RRAS2: variants seen among roughly 807,000 people sequenced by gnomAD.
RRAS2 encodes ras-related protein R-Ras2.
A neutral mutation model predicts 27.6 loss-of-function variants in RRAS2; 7 were observed. The observed-to-expected ratio is 0.25, with a 90% CI of 0.14 to 0.48. The LOEUF (loss-of-function observed/expected upper bound fraction) is 0.48. Ranked by LOEUF, RRAS2 falls within the 20% of genes least tolerant of loss-of-function variation. The probability of loss-of-function intolerance (pLI) is 0.99; values close to 1 mark genes in which losing one functional copy is unlikely to be tolerated. For missense variants in RRAS2, 178 were observed against 256.2 expected, an observed-to-expected ratio of 0.69 and a Z score of 2.08; for synonymous variants, 86 against 90.9, an observed-to-expected ratio of 0.95 and a Z score of 0.31.
chr11:14,286,465 G>A (rs544610312), intron 4 of RRAS2, among the ~76,000 whole-genome samples: 44 of 152,252 alleles, frequency 2.9e-4, no homozygotes, highest in African/African-American at 9.9e-4. Flanking sequence ...AAACCCTTCT[G>A]AGTTATACTA....
intron 1 of RRAS2, among the ~76,000 whole-genome samples, chr11:14,297,921 T>C (rs1159496122): frequency 2.0e-5 from 3 of 150,816 alleles, no homozygotes; most frequent in Non-Finnish European, 4.4e-5. Context: ...TAACTTTTAG[T>C]AGGAAGCCAT....
intron 4 of RRAS2, among the ~76,000 whole-genome samples, chr11:14,292,935 G>A (rs1011519731): frequency 2.0e-5 from 3 of 151,176 alleles, no homozygotes; most frequent in East Asian, 1.9e-4. Flanking sequence ...GTGAAACCCC[G>A]TATCTACTAA....
intron 1 of RRAS2, chr11:14,336,942 A>G (rs1375379196): frequency 6.6e-6 from 1 of 152,200 alleles, no homozygotes; most frequent in East Asian, 1.9e-4. Flanking sequence ...CATCATAATT[A>G]AACTTCTAAA....
At chr11:14,292,545 T>C (rs956031019) in intron 4 of RRAS2, among the ~76,000 whole-genome samples, 1 of 151,874 alleles carries the variant, frequency 6.6e-6, no homozygotes, top group Non-Finnish European at 1.5e-5. Context: ...CATCAATAAA[T>C]ATAATCAGGT....
chr11:14,287,893 A>AG (rs1331078771), intron 4 of RRAS2, among the ~76,000 whole-genome samples: 1 of 151,078 alleles, frequency 6.6e-6, no homozygotes, highest in Non-Finnish European at 1.5e-5. Flanking sequence ...AAAAAAAAGA[A>AG]GAAGAAAAAA....
chr11:14,332,747 CA>C (rs1243622686), intron 1 of RRAS2, among the ~76,000 whole-genome samples: 27 of 152,044 alleles, frequency 1.8e-4, no homozygotes, highest in Middle Eastern at 3.4e-3. Flanking sequence ...GATGGTTACA[CA>C]AGGTGTGTAA....
intron 1 of RRAS2, among the ~76,000 whole-genome samples, chr11:14,352,741 T>C (rs1848982106): frequency 8.3e-6 from 1 of 120,904 alleles, no homozygotes; most frequent in Non-Finnish European, 1.8e-5. Flanking sequence ...AAGAAACTTT[T>C]AAAATATATA....
intron 1 of RRAS2, among the ~76,000 whole-genome samples, chr11:14,310,889 T>C (rs1847948712): frequency 6.6e-6 from 1 of 152,202 alleles, no homozygotes; most frequent in South Asian, 2.1e-4. Context: ...TTCCCAGCCT[T>C]GCATGCAATG....
intron 1 of RRAS2, among the ~76,000 whole-genome samples, chr11:14,351,613 C>A (rs1374385330): frequency 6.6e-6 from 1 of 151,900 alleles, no homozygotes; most frequent in African/African-American, 2.4e-5. Flanking sequence ...GCCTGTAATC[C>A]CAGCTACTCG....
At chr11:14,331,551 GT>G (rs1345285176) in intron 1 of RRAS2, among the ~76,000 whole-genome samples, 89 of 151,850 alleles carry the variant, frequency 5.9e-4, no homozygotes, top group African/African-American at 2.1e-3. Flanking sequence ...TTGTTATAAG[GT>G]TCTGGCCTGG....
At chr11:14,299,222 G>C (rs1394325808) in intron 1 of RRAS2, among the ~76,000 whole-genome samples, 1 of 152,166 alleles carries the variant, frequency 6.6e-6, no homozygotes, top group African/African-American at 2.4e-5. Context: ...ATAAAGATTT[G>C]CTAAGCTCAG....
At chr11:14,313,657 A>G (rs1309117149) in intron 1 of RRAS2, among the ~76,000 whole-genome samples, 2 of 152,230 alleles carry the variant, frequency 1.3e-5, no homozygotes, top group Admixed American at 6.5e-5. Flanking sequence ...GGAAGGCCAC[A>G]TGAAGGCAGA....
chr11:14,285,867 AT>A (rs1554944956), intron 4 of RRAS2, among the ~76,000 whole-genome samples: 1 of 151,638 alleles, frequency 6.6e-6, no homozygotes, highest in African/African-American at 2.4e-5. Context: ...TATTTTTCAG[AT>A]TTTTTTCTTT....
At chr11:14,331,539 T>C (rs1554951890) in intron 1 of RRAS2, among the ~76,000 whole-genome samples, 1 of 152,068 alleles carries the variant, frequency 6.6e-6, no homozygotes, top group African/African-American at 2.4e-5. Flanking sequence ...GTTTGAACTA[T>C]TTTGTTATAA....
intron 4 of RRAS2, among the ~76,000 whole-genome samples, chr11:14,282,888 C>A (rs1554944533): frequency 1.3e-5 from 2 of 152,094 alleles, no homozygotes; most frequent in South Asian, 2.1e-4. Context: ...AATTTTATTT[C>A]TTGCTTTTTG....
chr11:14,308,492 A>G (rs1436561187), intron 1 of RRAS2, among the ~76,000 whole-genome samples: 1 of 152,218 alleles, frequency 6.6e-6, no homozygotes, highest in African/African-American at 2.4e-5. Context: ...TTCCAGCTAT[A>G]TAATTTTATT....
At chr11:14,332,850 C>G (rs1170610669) in intron 1 of RRAS2, among the ~76,000 whole-genome samples, 1 of 151,964 alleles carries the variant, frequency 6.6e-6, no homozygotes, top group African/African-American at 2.4e-5. Context: ...AAAAATGCAA[C>G]AGTAAAAATA....
chr11:14,341,198 C>T (rs1554953206), intron 1 of RRAS2, among the ~76,000 whole-genome samples: 1 of 152,134 alleles, frequency 6.6e-6, no homozygotes, highest in African/African-American at 2.4e-5. Flanking sequence ...GAATAAATTT[C>T]ATGAGCAAAA....
At chr11:14,325,310 A>ATTT (rs35405878) in intron 1 of RRAS2, among the ~76,000 whole-genome samples, 2 of 124,782 alleles carry the variant, frequency 1.6e-5, no homozygotes, top group African/African-American at 2.9e-5. Flanking sequence ...TCCTTTTAGT[A>ATTT]TTTTTTTTTT....
Sources: allele counts gnomAD v4.1 joint callset (sites outside exome capture counted in the v4.1 genomes callset), GRCh38; gene constraint gnomAD v4.1.1; transcripts MANE v1.5; gene names NCBI Gene and HGNC (gene_info 2026-07-23, HGNC 2026-07-21).